C2CD3: variants seen among roughly 807,000 people sequenced by gnomAD.
C2CD3 encodes C2 domain-containing protein 3.
C2CD3 carries 148 observed loss-of-function variants against 234.0 expected under a neutral mutation model. The observed-to-expected ratio is 0.63, with a 90% CI of 0.55 to 0.72. The LOEUF (loss-of-function observed/expected upper bound fraction) is 0.72, where lower values mean the gene tolerates loss of function less well. Among genes scored for constraint, C2CD3 ranks in the 30% least tolerant of loss-of-function variants. The pLI, the probability that C2CD3 is intolerant of heterozygous loss-of-function variation, is 0.00. For missense variants in C2CD3, 2,577 were observed against 2,811.5 expected (o/e 0.92, Z 1.89); for synonymous variants, 1,000 against 1,035.4 (o/e 0.97, Z 0.66).
At chr11:74,081,572 T>C (rs1265923682) in intron 22 of C2CD3, among the ~76,000 whole-genome samples, 1 of 152,098 alleles carries the variant, frequency 6.6e-6, no homozygotes, top group Non-Finnish European at 1.5e-5. Context: ...TTTTACAAAG[T>C]GCTACATAAT....
intron 32 of C2CD3, among the ~76,000 whole-genome samples, chr11:74,025,938 T>C (rs140985605): frequency 2.0e-5 from 3 of 152,146 alleles, no homozygotes; most frequent in African/African-American, 7.2e-5. Context: ...GACCCCAGCA[T>C]AAATGTGATG....
At chr11:74,129,407 C>T (rs1198892720) in intron 7 of C2CD3, 8 of 175,118 alleles carry the variant, frequency 4.6e-5, no homozygotes, top group South Asian at 1.1e-4. Flanking sequence ...GGGTCGCGGC[C>T]GGGCAGAGGC....
intron 1 of C2CD3, 62 bp downstream of exon 1, chr11:74,170,669 GTCTCCCT>G: frequency 1.9e-6 from 3 of 1,549,046 alleles, no homozygotes; most frequent in Non-Finnish European, 2.7e-6. Context: ...GGGGGTGCGG[GTCTCCCT>G]AAAATTCCTT....
chr11:74,141,646 A>G (rs1382989012), intron 3 of C2CD3, among the ~76,000 whole-genome samples: 1 of 152,142 alleles, frequency 6.6e-6, no homozygotes, highest in Non-Finnish European at 1.5e-5. Flanking sequence ...TCCTTTGTTT[A>G]GTTAAACAAA....
chr11:74,082,251 G>A (rs1009136895), intron 22 of C2CD3, among the ~76,000 whole-genome samples: 7 of 152,008 alleles, frequency 4.6e-5, no homozygotes, highest in African/African-American at 1.7e-4. Flanking sequence ...GAGTAGCTGG[G>A]ACCACAGGCG....
At chr11:74,046,953 A>T (rs1261266968) in intron 28 of C2CD3, among the ~76,000 whole-genome samples, 1 of 152,244 alleles carries the variant, frequency 6.6e-6, no homozygotes, top group Non-Finnish European at 1.5e-5. Flanking sequence ...TAAAGTCCAT[A>T]TAAAAGTGAG....
At chr11:74,023,874 A>C (rs934353940) in intron 32 of C2CD3, among the ~76,000 whole-genome samples, 4 of 152,188 alleles carry the variant, frequency 2.6e-5, no homozygotes, top group Admixed American at 1.3e-4. Context: ...GTTATCATTC[A>C]ATCACTGTAT....
intron 30 of C2CD3, among the ~76,000 whole-genome samples, chr11:74,037,262 G>C (rs1177660568): frequency 6.6e-6 from 1 of 151,660 alleles, no homozygotes; most frequent in African/African-American, 2.4e-5. Flanking sequence ...ACCTGGGTCA[G>C]TCCAGTGCTC....
intron 18 of C2CD3, 59 bp from the exon 19 acceptor site, chr11:74,092,647 C>T: frequency 2.1e-6 from 3 of 1,420,498 alleles, no homozygotes; most frequent in South Asian, 2.5e-5. Context: ...ATTCAGTCTG[C>T]CCCACAGATC....
At chr11:74,027,523 T>C (rs1249862686) in intron 32 of C2CD3, among the ~76,000 whole-genome samples, 1 of 152,222 alleles carries the variant, frequency 6.6e-6, no homozygotes, top group African/African-American at 2.4e-5. Context: ...AGCACCACCA[T>C]AACTACCATC....
intron 9 of C2CD3, among the ~76,000 whole-genome samples, chr11:74,116,837 T>TATACAC (rs1450078530): frequency 7.0e-6 from 1 of 143,284 alleles, no homozygotes; most frequent in Non-Finnish European, 1.5e-5. Flanking sequence ...CGTGTGTGTA[T>TATACAC]ATATACACGT....
chr11:74,023,193 C>A (rs1952157723), intron 32 of C2CD3, among the ~76,000 whole-genome samples: 1 of 152,204 alleles, frequency 6.6e-6, no homozygotes. Context: ...TGTCTTCGAT[C>A]ATGTGGGGAA....
At chr11:74,147,218 C>T (rs1272203701) in intron 3 of C2CD3, among the ~76,000 whole-genome samples, 1 of 151,922 alleles carries the variant, frequency 6.6e-6, no homozygotes, top group Non-Finnish European at 1.5e-5. Context: ...AGTTCAAGAC[C>T]AGCTTGGGCA....
At chr11:74,083,849 T>G (rs1470135266) in intron 22 of C2CD3, among the ~76,000 whole-genome samples, 2 of 152,030 alleles carry the variant, frequency 1.3e-5, no homozygotes, top group Admixed American at 1.3e-4. Flanking sequence ...TTGGTGGGAG[T>G]GTAAACTAGT....
Position 74,167,506 on chromosome 11 carries a change from A to C in C2CD3, c.325+838T>G, listed in dbSNP as rs909686482. Among the ~76,000 whole-genome samples, 6 of 152,240 alleles carry C rather than the reference A, an allele frequency of 3.9e-5. No individual in the cohort carries two copies. In the East Asian group the frequency reaches 1.2e-3, roughly 29 times the overall value. On this transcript the variant is annotated intron_variant, in intron 2 of 32. Transcript: ENST00000334126. ...CATATTTTTTGAATGACTGAATTACAGCATTTGTTCTTTACATGTTGATGT... is the reference window on the plus strand; with the variant it reads ...CATATTTTTTGAATGACTGAATTACCGCATTTGTTCTTTACATGTTGATGT...
chr11:74,141,294 A>G (rs942705402), intron 3 of C2CD3, among the ~76,000 whole-genome samples: 10 of 152,238 alleles, frequency 6.6e-5, no homozygotes, highest in African/African-American at 1.9e-4. Context: ...TTCATCATGA[A>G]GATCTTTGTA....
chr11:74,084,366 G>A (rs7483884), intron 22 of C2CD3, among the ~76,000 whole-genome samples: 70,090 of 151,108 alleles, frequency 0.46, 16,300 homozygotes, highest in Non-Finnish European at 0.47. Context: ...TGGGTGCCAT[G>A]GCACACGTAT....
intron 32 of C2CD3, among the ~76,000 whole-genome samples, chr11:74,020,440 GCT>G (rs1156446527): frequency 2.0e-5 from 3 of 152,172 alleles, no homozygotes; most frequent in Non-Finnish European, 4.4e-5. Context: ...ACCCCACATG[GCT>G]CTGTCTTTCT....
chr11:74,148,969 T>C (rs1855407123), intron 3 of C2CD3, among the ~76,000 whole-genome samples: 1 of 152,216 alleles, frequency 6.6e-6, no homozygotes, highest in South Asian at 2.1e-4. Flanking sequence ...AACAGTTCGA[T>C]AATTTTGTTA....
Sources: allele counts gnomAD v4.1 joint callset (sites outside exome capture counted in the v4.1 genomes callset), GRCh38; gene constraint gnomAD v4.1.1; transcripts MANE v1.5; gene names NCBI Gene and HGNC (gene_info 2026-07-23, HGNC 2026-07-21).